Variants in VOPP1 observed in about 807,000 individuals in gnomAD.
VOPP1 encodes VOPP1 WW domain binding protein.
Under a neutral mutation model 23.5 loss-of-function variants are expected in VOPP1, and 8 were observed. That is an observed-to-expected ratio of 0.34 (90% CI 0.20 to 0.61). The LOEUF (loss-of-function observed/expected upper bound fraction) is 0.61. Ranked by LOEUF, VOPP1 falls within the 20% of genes least tolerant of loss-of-function variation. The probability of loss-of-function intolerance (pLI) is 0.78; values close to 1 mark genes in which losing one functional copy is unlikely to be tolerated. For missense variants in VOPP1, 174 were observed against 238.1 expected (o/e 0.73, Z 1.77); for synonymous variants, 83 against 97.3 (o/e 0.85, Z 0.86).
At chr7:55,565,411 C>A (rs151167236) in intron 1 of VOPP1, among the ~76,000 whole-genome samples, 95 of 152,294 alleles carry the variant, frequency 6.2e-4, no homozygotes, top group African/African-American at 2.1e-3. Flanking sequence ...TCATCCAACT[C>A]CACCCAGAAT....
chr7:55,474,873 G>C (rs1025282789), intron 4 of VOPP1, among the ~76,000 whole-genome samples: 9 of 152,246 alleles, frequency 5.9e-5, no homozygotes, highest in Non-Finnish European at 1.3e-4. Flanking sequence ...GGAAGATGCG[G>C]CAGGAGGTGG....
chr7:55,482,339 AGG>A (rs1216970838), intron 4 of VOPP1, among the ~76,000 whole-genome samples: 1 of 130,378 alleles, frequency 7.7e-6, no homozygotes. Flanking sequence ...GAGAGGAAGA[AGG>A]GAGGTATTTT....
intron 1 of VOPP1, chr7:55,521,854 C>T (rs1795884546): frequency 5.1e-6 from 5 of 983,800 alleles, no homozygotes; most frequent in African/African-American, 1.8e-5. Flanking sequence ...ATCCCCACTG[C>T]TCAGGGAGCT....
chr7:55,480,496 T>C (rs1044501883), intron 4 of VOPP1, among the ~76,000 whole-genome samples: 6 of 152,262 alleles, frequency 3.9e-5, no homozygotes, highest in Admixed American at 1.3e-4. Context: ...ATTTGCTCTA[T>C]TGCTTTTTAT....
chr7:55,518,410 G>A (rs1234744881), intron 2 of VOPP1, among the ~76,000 whole-genome samples: 1 of 152,246 alleles, frequency 6.6e-6, no homozygotes, highest in Non-Finnish European at 1.5e-5. Context: ...AACATCAGGT[G>A]CTACACACTG....
intron 4 of VOPP1, among the ~76,000 whole-genome samples, chr7:55,439,785 G>A (rs1790919978): frequency 6.6e-6 from 1 of 152,228 alleles, no homozygotes; most frequent in African/African-American, 2.4e-5. Flanking sequence ...TGAGGATGGA[G>A]GAGGCGGAGG....
chr7:55,562,055 T>C (rs1798008358), intron 1 of VOPP1: 5 of 703,158 alleles, frequency 7.1e-6, no homozygotes, highest in Non-Finnish European at 1.3e-5. Context: ...TGTGCATCTG[T>C]TAAAAAATAA....
intron 4 of VOPP1, among the ~76,000 whole-genome samples, chr7:55,443,438 T>C (rs978720622): frequency 7.1e-4 from 103 of 144,908 alleles, no homozygotes; most frequent in African/African-American, 9.9e-4. Flanking sequence ...CCTGTAGTCC[T>C]AGCTACTCGG....
intron 4 of VOPP1, among the ~76,000 whole-genome samples, chr7:55,464,452 T>G (rs188054084): frequency 6.6e-6 from 1 of 152,264 alleles, no homozygotes; most frequent in Admixed American, 6.5e-5. Context: ...TATCTGCAGG[T>G]GCACAGTGGC....
rs528150175 is a variant in VOPP1, at chr7:55,525,346, G to A, written c.55-4216C>T. On this transcript the variant is annotated intron_variant, in intron 1 of 4. Coordinates refer to ENST00000285279, the MANE Select transcript of VOPP1 (RefSeq NM_030796.5). ...TACTAAAAGTACAAAAAAATTAGCCGGGCGTGGTGGTGGGCGCCTGTAGTC... is the reference window on the plus strand; with the variant it reads ...TACTAAAAGTACAAAAAAATTAGCCAGGCGTGGTGGTGGGCGCCTGTAGTC... Among the ~76,000 whole-genome samples, 115 of 152,148 alleles carry A rather than the reference G, an allele frequency of 7.6e-4. 2 individuals carry two copies. In the South Asian group the frequency reaches 0.02, roughly 27 times the overall value.
intron 2 of VOPP1, among the ~76,000 whole-genome samples, chr7:55,501,628 T>G (rs1217699356): frequency 6.6e-6 from 1 of 152,202 alleles, no homozygotes; most frequent in Non-Finnish European, 1.5e-5. Context: ...CTACTATATA[T>G]TGTCCTCAAG....
intron 1 of VOPP1, among the ~76,000 whole-genome samples, chr7:55,523,000 T>C (rs1215192859): frequency 1.3e-5 from 2 of 152,232 alleles, no homozygotes; most frequent in African/African-American, 2.4e-5. Context: ...TACAGGTATA[T>C]GAGGAATACC....
chr7:55,527,816 G>T (rs1584037114), intron 1 of VOPP1, among the ~76,000 whole-genome samples: 1 of 151,896 alleles, frequency 6.6e-6, no homozygotes, highest in South Asian at 2.1e-4. Flanking sequence ...AACACAAAAG[G>T]CCAATAAACC....
intron 4 of VOPP1, among the ~76,000 whole-genome samples, chr7:55,436,931 TCATA>T (rs1790845296): frequency 6.6e-6 from 1 of 152,118 alleles, no homozygotes; most frequent in African/African-American, 2.4e-5. Flanking sequence ...CTTGTGGCTT[TCATA>T]GGATCATCCA....
At chr7:55,538,619 G>A (rs908679705) in intron 1 of VOPP1, 2 of 1,535,956 alleles carry the variant, frequency 1.3e-6, no homozygotes, top group Non-Finnish European at 1.7e-6. Context: ...AAACCTGCAA[G>A]AGCACAGAAG....
chr7:55,521,844 A>G, intron 1 of VOPP1: 1 of 983,870 alleles, frequency 1.0e-6, no homozygotes, highest in Non-Finnish European at 1.2e-6. Flanking sequence ...GCAGGCCAGC[A>G]TCCCCACTGC....
intron 4 of VOPP1, among the ~76,000 whole-genome samples, chr7:55,449,969 C>G (rs1283761007): frequency 6.6e-6 from 1 of 152,228 alleles, no homozygotes; most frequent in Non-Finnish European, 1.5e-5. Flanking sequence ...CCCAGGTGGT[C>G]AGCAGACCTT....
At chr7:55,521,209 G>T in intron 1 of VOPP1, 79 bp from the exon 2 acceptor site, 1 of 1,392,946 alleles carries the variant, frequency 7.2e-7, no homozygotes, top group South Asian at 1.3e-5. Context: ...AAGGCAGAAA[G>T]AAGGATGAGA....
chr7:55,489,657 C>T (rs1360602331), intron 4 of VOPP1, among the ~76,000 whole-genome samples: 1 of 152,110 alleles, frequency 6.6e-6, no homozygotes, highest in Non-Finnish European at 1.5e-5. Context: ...AAATATGGGC[C>T]AAGACAGCAA....
Sources: gnomAD v4.1 joint callset for allele counts (sites outside exome capture counted in the v4.1 genomes callset) on GRCh38, gnomAD v4.1.1 for gene constraint, MANE v1.5 for transcripts, NCBI Gene and HGNC (gene_info 2026-07-23, HGNC 2026-07-21) for gene names.